The following DYNC2H1 variants were observed in gnomAD, a reference collection of about 807,000 sequenced individuals.
DYNC2H1 encodes dynein cytoplasmic 2 heavy chain 1.
In DYNC2H1, 410 loss-of-function variants were observed where a neutral mutation model predicts 570.0. That is an observed-to-expected ratio of 0.72 (90% CI 0.66 to 0.78). The LOEUF (loss-of-function observed/expected upper bound fraction) is 0.78. Ranked by LOEUF, DYNC2H1 falls within the 30% of genes least tolerant of loss-of-function variation. The probability of loss-of-function intolerance (pLI) is 0.00; values close to 1 mark genes in which losing one functional copy is unlikely to be tolerated. For missense variants in DYNC2H1, 4,865 were observed against 5,046.4 expected (o/e 0.96, Z 1.09); for synonymous variants, 1,688 against 1,677.6 (o/e 1.01, Z -0.15).
rs114291410 is a variant in DYNC2H1 at position 103,160,686 on chromosome 11, G to A, written c.4379-246G>A. 0.025 allele frequency among the ~76,000 whole-genome samples: 3,739 copies of A among 151,978 alleles called. 171 individuals carry two copies. The highest frequency in any genetic ancestry group is 0.085 in the African/African-American group (3,532 of 41,476). The stretch of plus-strand genomic sequence containing the variant: ...TTCACAAATTTCACCAGTGAATCCT[G>A]TCACATATAGATAGATATTGATAAG... On this transcript the variant is annotated intron_variant, in intron 28 of 88. Coordinates refer to ENST00000375735, the MANE Select transcript of DYNC2H1 (RefSeq NM_001377.3).
intron 47 of DYNC2H1, among the ~76,000 whole-genome samples, chr11:103,195,492 A>C (rs1175636238): frequency 6.6e-6 from 1 of 152,182 alleles, no homozygotes; most frequent in African/African-American, 2.4e-5. Flanking sequence ...TGGGTTCTCC[A>C]TTGATGTATG....
intron 47 of DYNC2H1, among the ~76,000 whole-genome samples, chr11:103,193,071 A>G (rs1193494213): frequency 1.3e-5 from 2 of 152,230 alleles, no homozygotes; most frequent in Non-Finnish European, 2.9e-5. Context: ...GAGATCCATG[A>G]GTACCTATCC....
chr11:103,306,869 C>T (rs1867308501), intron 77 of DYNC2H1, among the ~76,000 whole-genome samples: 1 of 152,132 alleles, frequency 6.6e-6, no homozygotes, highest in African/African-American at 2.4e-5. Flanking sequence ...TGGTTACCTA[C>T]AGAATTTGTA....
intron 85 of DYNC2H1, among the ~76,000 whole-genome samples, chr11:103,436,698 CT>C (rs1430705107): frequency 6.6e-6 from 1 of 152,084 alleles, no homozygotes; most frequent in African/African-American, 2.4e-5. Context: ...TTTGTCATCA[CT>C]CATCCCTGCT....
rs1334264782 is a variant in DYNC2H1, at chr11:103,177,052, A to G, written c.5875-504A>G. Reference sequence around the variant, plus strand: ...CCATTTCATTTCTATTGCCTGTTATAGTACCTAATGTGTAATGGATTCATC... The same window carrying G: ...CCATTTCATTTCTATTGCCTGTTATGGTACCTAATGTGTAATGGATTCATC... On this transcript the variant is annotated intron_variant, in intron 37 of 88. Transcript: ENST00000375735. The surrounding 1 kb of genome is among the most constrained non-coding windows in gnomAD (Gnocchi z 4.4). Among the ~76,000 whole-genome samples, 2 of 152,156 alleles carry G rather than the reference A, an allele frequency of 1.3e-5. No homozygotes were observed. Among genetic ancestry groups the G allele is most frequent in the Non-Finnish European group, 2.9e-5 (2 of 68,038 alleles).
At chr11:103,313,877 TA>T (rs1199561609) in intron 79 of DYNC2H1, among the ~76,000 whole-genome samples, 1 of 152,160 alleles carries the variant, frequency 6.6e-6, no homozygotes, top group Non-Finnish European at 1.5e-5. Flanking sequence ...TGATCATAGT[TA>T]ACTTGCTCAA....
At chr11:103,347,336 G>A (rs1939792656) in intron 82 of DYNC2H1, among the ~76,000 whole-genome samples, 1 of 152,120 alleles carries the variant, frequency 6.6e-6, no homozygotes, top group Non-Finnish European at 1.5e-5. Context: ...TTTTGAGACT[G>A]TCAGAGAAAT....
intron 75 of DYNC2H1, among the ~76,000 whole-genome samples, chr11:103,288,850 C>T (rs1416101440): frequency 1.4e-5 from 2 of 143,926 alleles, no homozygotes; most frequent in African/African-American, 5.1e-5. Context: ...CGCTGCACTC[C>T]AGCCTGGGCA....
chr11:103,448,162 A>G (rs1438658137), intron 85 of DYNC2H1, among the ~76,000 whole-genome samples: 1 of 152,140 alleles, frequency 6.6e-6, no homozygotes. Context: ...AAAAATTAGG[A>G]TATTACGTTT....
intron 84 of DYNC2H1, among the ~76,000 whole-genome samples, chr11:103,435,320 A>C (rs1329905733): frequency 6.6e-6 from 1 of 152,140 alleles, no homozygotes; most frequent in Non-Finnish European, 1.5e-5. Context: ...TGATATTTAG[A>C]AAATCCAGAA....
chr11:103,117,371 T>G (rs1182907867), intron 5 of DYNC2H1, among the ~76,000 whole-genome samples: 1 of 150,970 alleles, frequency 6.6e-6, no homozygotes, highest in Non-Finnish European at 1.5e-5. Flanking sequence ...GTTGGTGTGC[T>G]GCATATGTAT....
At position 103,205,045 on chromosome 11, in the gene DYNC2H1, TGG is replaced by T; in HGVS notation, c.8454+82_8454+83del. ...GATTTTCACAACTTCTCTTTGGTGT[TGG>T]TTATAACATCACCTTAATTATGGCA... On this transcript the variant is annotated intron_variant, in intron 52 of 88. Transcript: ENST00000375735. This position sits in a 1 kb window ranked among gnomAD's most constrained non-coding sequence, Gnocchi z 4.5. 6 of 1,313,292 alleles carry T rather than the reference TGG, an allele frequency of 4.6e-6. No individual in the cohort carries two copies. Among genetic ancestry groups the T allele is most frequent in the Non-Finnish European group, 6.3e-6 (6 of 958,656 alleles). The allele number at this position is 1,313,292 out of a possible 1,614,324, so 81.4% of individuals were successfully genotyped here.
At chr11:103,424,686 T>C (rs1943605146) in intron 84 of DYNC2H1, among the ~76,000 whole-genome samples, 1 of 145,028 alleles carries the variant, frequency 6.9e-6, no homozygotes, top group Admixed American at 7.0e-5. Context: ...TGCTGGCAAA[T>C]GTTTAAAAAC....
At chr11:103,213,922 A>G (rs1863264965) in intron 54 of DYNC2H1, among the ~76,000 whole-genome samples, 1 of 152,092 alleles carries the variant, frequency 6.6e-6, no homozygotes, top group Non-Finnish European at 1.5e-5. Context: ...GTCCTGGAGC[A>G]TTTCCTCAAT....
chr11:103,336,531 C>G (rs1939140755), intron 82 of DYNC2H1, among the ~76,000 whole-genome samples: 1 of 151,614 alleles, frequency 6.6e-6, no homozygotes. Context: ...TTTTTTAGCT[C>G]CCACGTATGA....
chr11:103,126,106 G>T (rs1858983864), intron 12 of DYNC2H1, among the ~76,000 whole-genome samples: 1 of 152,030 alleles, frequency 6.6e-6, no homozygotes, highest in Non-Finnish European at 1.5e-5. Context: ...ACAGTATCTT[G>T]TATATTTGGT....
At position 103,465,340 on chromosome 11, in the gene DYNC2H1, T is replaced by G. The variant is rs2135838878; in HGVS notation, c.12649-3249T>G. Among the ~76,000 whole-genome samples the G allele has an allele frequency of 6.6e-6, 1 of 152,260 alleles. No individual in the cohort carries two copies. The highest frequency in any genetic ancestry group is 2.4e-5 in the African/African-American group (1 of 41,574). ...AAAAATACAAGAAAGAAGAACTTAA[T>G]GGTGAAAATGTCCTGTTTACATATC... On this transcript the variant is annotated intron_variant, in intron 87 of 88. Coordinates refer to ENST00000375735, the MANE Select transcript of DYNC2H1 (RefSeq NM_001377.3). This position sits in a 1 kb window ranked among gnomAD's most constrained non-coding sequence, Gnocchi z 4.9.
At chr11:103,350,311 A>AT (rs1721176047) in intron 82 of DYNC2H1, among the ~76,000 whole-genome samples, 2 of 151,200 alleles carry the variant, frequency 1.3e-5, no homozygotes, top group Admixed American at 1.3e-4. Flanking sequence ...TATAAAAAGT[A>AT]TTATAAATTG....
chr11:103,172,760 T>C (rs1414442982), intron 34 of DYNC2H1, among the ~76,000 whole-genome samples: 1 of 152,098 alleles, frequency 6.6e-6, no homozygotes. Context: ...AGAAGGCTTT[T>C]AGTAAACATA....
Sources: allele counts gnomAD v4.1 joint callset (sites outside exome capture counted in the v4.1 genomes callset), GRCh38; gene constraint gnomAD v4.1.1; non-coding constraint Gnocchi (gnomAD v3.1); transcripts MANE v1.5; gene names NCBI Gene and HGNC (gene_info 2026-07-23, HGNC 2026-07-21).